Variants in TMSB15B observed in about 807,000 individuals in gnomAD.
The protein encoded by TMSB15B is thymosin beta 15B.
At chrX:103,974,387 ATG>A in the TMSB15B span, among the ~76,000 whole-genome samples, 123 of 14,591 alleles carry the variant, frequency 8.4e-3, 2 homozygotes, top group East Asian at 0.034. Flanking sequence ...ATATATATAT[ATG>A]TATATATATA....
At chrX:103,953,098 C>G (rs1208230126) in intron 1 of TMSB15B, among the ~76,000 whole-genome samples, 27 of 111,747 alleles carry the variant, frequency 2.4e-4, no homozygotes, top group African/African-American at 7.8e-4. Context: ...AGGACGACGG[C>G]ACACCCAGGT....
intron 1 of TMSB15B, chrX:103,928,328 A>C (rs2074974928): frequency 9.9e-6 from 12 of 1,207,287 alleles, no homozygotes; most frequent in East Asian, 8.9e-5. Flanking sequence ...CAATACTTCT[A>C]CCGGGGAATC....
At chrX:103,945,057 C>G (rs1458848420) in intron 1 of TMSB15B, among the ~76,000 whole-genome samples, 1 of 112,786 alleles carries the variant, frequency 8.9e-6, no homozygotes, top group Non-Finnish European at 1.9e-5. Flanking sequence ...GGATTACAGG[C>G]GTGAGCCACT....
At chrX:103,928,504 AG>A (rs2074975483) in intron 1 of TMSB15B, 1 of 1,198,946 alleles carries the variant, frequency 8.3e-7, no homozygotes, top group Admixed American at 2.2e-5. Flanking sequence ...CCCCTTTGAA[AG>A]GGTGCAAAAT....
intron 1 of TMSB15B, among the ~76,000 whole-genome samples, chrX:103,936,968 C>T (rs1253748016): frequency 8.9e-6 from 1 of 111,748 alleles, no homozygotes; most frequent in Non-Finnish European, 1.9e-5. Context: ...GTTCTGTTTA[C>T]GTTTATTGAT....
intron 1 of TMSB15B, among the ~76,000 whole-genome samples, chrX:103,933,495 G>A (rs1448766661): frequency 2.7e-5 from 3 of 111,283 alleles, no homozygotes; most frequent in Non-Finnish European, 5.7e-5. Flanking sequence ...CTCTCCCCCC[G>A]CCAATGATGA....
chrX:103,944,738 C>A (rs2075020908), intron 1 of TMSB15B, among the ~76,000 whole-genome samples: 1 of 112,054 alleles, frequency 8.9e-6, no homozygotes. Context: ...AATGAATTTC[C>A]CCTTCTCCCA....
chrX:103,950,688 CA>C (rs1249815545), intron 1 of TMSB15B, among the ~76,000 whole-genome samples: 15 of 109,559 alleles, frequency 1.4e-4, no homozygotes, highest in Non-Finnish European at 2.7e-4. Flanking sequence ...TCAAATTCCA[CA>C]AAAAATTGGC....
Position 103,928,274 on chromosome X carries a change from A to T in TMSB15B, c.-721+8982A>T, listed in dbSNP as rs1302519453. 8.3e-6 allele frequency: 10 copies of T among 1,204,758 alleles called. No homozygotes were observed. The African/African-American group carries it at 1.6e-4, about 19-fold the overall frequency. ...TGTGTTTCGGCAACAGATCCATGCC[A>T]TGGCAGTGTCAGAGGCTGTGAGACA... On this transcript the variant is annotated intron_variant, in intron 1 of 3. Coordinates refer to the TMSB15B transcript ENST00000419165.
chrX:103,933,142 G>A (rs186238084), intron 1 of TMSB15B, among the ~76,000 whole-genome samples: 18 of 111,544 alleles, frequency 1.6e-4, no homozygotes, highest in African/African-American at 5.8e-4. Context: ...ATGACATATA[G>A]TGTAGTACAT....
intron 1 of TMSB15B, among the ~76,000 whole-genome samples, chrX:103,950,307 C>T (rs2075035811): frequency 9.0e-6 from 1 of 111,141 alleles, no homozygotes; most frequent in South Asian, 3.9e-4. Flanking sequence ...GGCTCTAAGA[C>T]AATAGTGAGT....
intron 1 of TMSB15B, among the ~76,000 whole-genome samples, chrX:103,954,700 T>A (rs1184905173): frequency 9.0e-6 from 1 of 111,123 alleles, no homozygotes; most frequent in East Asian, 2.8e-4. Flanking sequence ...GCCCATACCG[T>A]GAGTGATCAC....
chrX:103,932,452 A>G (rs1342970183), intron 1 of TMSB15B: 3 of 112,246 alleles, frequency 2.7e-5, no homozygotes, highest in Admixed American at 9.4e-5. Context: ...AGCAAAGGAA[A>G]AAGTTTGTGT....
intron 1 of TMSB15B, among the ~76,000 whole-genome samples, chrX:103,942,189 C>T (rs2075014319): frequency 9.0e-6 from 1 of 111,469 alleles, no homozygotes; most frequent in African/African-American, 3.3e-5. Context: ...GTTCTATACC[C>T]CAATATCATG....
chrX:103,951,150 T>C (rs782421675), intron 1 of TMSB15B, among the ~76,000 whole-genome samples: 6 of 111,818 alleles, frequency 5.4e-5, no homozygotes, highest in Non-Finnish European at 9.4e-5. Flanking sequence ...ACCAGTAGTA[T>C]TGGGTTAGGA....
At chrX:103,955,948 CAG>C (rs2075050446) in intron 1 of TMSB15B, among the ~76,000 whole-genome samples, 1 of 111,631 alleles carries the variant, frequency 9.0e-6, no homozygotes, top group African/African-American at 3.3e-5. Context: ...GCAAAGGTCT[CAG>C]CAGAAACCCT....
intron 1 of TMSB15B, among the ~76,000 whole-genome samples, chrX:103,939,989 T>C (rs1569448687): frequency 8.9e-6 from 1 of 111,842 alleles, no homozygotes; most frequent in Non-Finnish European, 1.9e-5. Context: ...GTGGAGGCTG[T>C]AGAACCACAA....
At chrX:103,938,477 C>T (rs1422526303) in intron 1 of TMSB15B, among the ~76,000 whole-genome samples, 3 of 111,773 alleles carry the variant, frequency 2.7e-5, no homozygotes, top group Non-Finnish European at 3.8e-5. Flanking sequence ...ACTAGGATTG[C>T]AACCCCTGCT....
intron 1 of TMSB15B, among the ~76,000 whole-genome samples, chrX:103,927,068 C>T (rs1300502627): frequency 1.8e-5 from 2 of 111,339 alleles, no homozygotes; most frequent in Non-Finnish European, 3.8e-5. Flanking sequence ...TATGTCCTGG[C>T]TTCCAAGTTG....
Sources: gnomAD v4.1 joint callset for allele counts (sites outside exome capture counted in the v4.1 genomes callset) on GRCh38, gnomAD v4.1.1 for gene constraint, MANE v1.5 for transcripts, NCBI Gene and HGNC (gene_info 2026-07-23, HGNC 2026-07-21) for gene names.